DYNC2I1: variants seen among roughly 807,000 people sequenced by gnomAD.
The protein encoded by DYNC2I1 is cytoplasmic dynein 2 intermediate chain 1.
DYNC2I1 carries 89 observed loss-of-function variants against 133.4 expected under a neutral mutation model. That is an observed-to-expected ratio of 0.67 (90% CI 0.56 to 0.80). The LOEUF is 0.80. Ranked by LOEUF, DYNC2I1 falls within the 30% of genes least tolerant of loss-of-function variation. The pLI is 0.00. For synonymous variants in DYNC2I1, 504 were observed against 484.3 expected, an observed-to-expected ratio of 1.04 and a Z score of -0.54; for missense variants, 1,291 against 1,314.5, an observed-to-expected ratio of 0.98 and a Z score of 0.28.
At chr7:158,916,192 A>G (rs1848249661) in intron 14 of DYNC2I1, among the ~76,000 whole-genome samples, 1 of 82,664 alleles carries the variant, frequency 1.2e-5, no homozygotes, top group African/African-American at 3.8e-5. Context: ...GCTGGTTGAC[A>G]TTAAGGATGA....
chr7:158,880,525 A>T (rs145274993), intron 5 of DYNC2I1, among the ~76,000 whole-genome samples: 1 of 152,102 alleles, frequency 6.6e-6, no homozygotes, highest in African/African-American at 2.4e-5. Flanking sequence ...GCACCACTGC[A>T]CTCCAACCTG....
chr7:158,879,607 G>A, intron 4 of DYNC2I1, 77 bp from the exon 5 acceptor site: 1 of 1,460,878 alleles, frequency 6.8e-7, no homozygotes, highest in Non-Finnish European at 9.1e-7. Flanking sequence ...CGTCGTTGCA[G>A]AACCCACAGA....
chr7:158,847,801 A>C, the DYNC2I1 span, among the ~76,000 whole-genome samples: 1 of 152,212 alleles, frequency 6.6e-6, no homozygotes, highest in Non-Finnish European at 1.5e-5. Flanking sequence ...AAGGCAAAAA[A>C]GTGACTTCTG....
chr7:158,860,730 A>T (rs929429075), intron 1 of DYNC2I1, among the ~76,000 whole-genome samples: 1 of 152,244 alleles, frequency 6.6e-6, no homozygotes, highest in African/African-American at 2.4e-5. Flanking sequence ...AAATTTATTA[A>T]TCATAGCTTG....
In DYNC2I1 at chr7:158,879,992, A is replaced by T. The variant is rs1165417651; in HGVS notation, c.879+3A>T. ...AGCCCAGGAAAAGGGAATCCCAGGTACCCCTTCTGATGCTTCGTTGCCTTA... is the reference window on the plus strand; with the variant it reads ...AGCCCAGGAAAAGGGAATCCCAGGTTCCCCTTCTGATGCTTCGTTGCCTTA... On this transcript the variant is annotated splice_donor_region_variant and intron_variant, in intron 5 of 24. Coordinates refer to ENST00000407559, the MANE Select transcript of DYNC2I1 (RefSeq NM_018051.5). 1 of 1,583,868 alleles carries T rather than the reference A, an allele frequency of 6.3e-7. No homozygotes were observed. Among genetic ancestry groups the T allele is most frequent in the East Asian group, 2.2e-5 (1 of 44,738 alleles).
chr7:158,853,374 A>C (rs1176127503), upstream of DYNC2I1, among the ~76,000 whole-genome samples: 1 of 152,174 alleles, frequency 6.6e-6, no homozygotes. Flanking sequence ...CGGATGGAAC[A>C]GGCTTCTTTA....
intron 10 of DYNC2I1, 46 bp downstream of exon 10, chr7:158,902,641 T>A: frequency 2.0e-6 from 3 of 1,536,136 alleles, no homozygotes; most frequent in African/African-American, 1.4e-5. Flanking sequence ...CTTAGGGCTC[T>A]GTGTACTGAG....
chr7:158,859,947 G>C, intron 1 of DYNC2I1, among the ~76,000 whole-genome samples: 1 of 152,150 alleles, frequency 6.6e-6, no homozygotes, highest in Middle Eastern at 3.2e-3. Context: ...TAACTATTAG[G>C]CTGTGATATA....
chr7:158,848,921 TC>T, the DYNC2I1 span, among the ~76,000 whole-genome samples: 3 of 124,830 alleles, frequency 2.4e-5, no homozygotes, highest in Non-Finnish European at 5.1e-5. Flanking sequence ...AGACTCCGTT[TC>T]AAAAAAAAAA....
chr7:158,945,750 C>T lies in DYNC2I1; in HGVS notation c.3172C>T (p.Leu1058=). The change falls in exon 25 of 25, where the codon CTG becomes TTG. Residue 1058 remains leucine, a synonymous_variant. Coordinates refer to ENST00000407559, the MANE Select transcript of DYNC2I1 (RefSeq NM_018051.5). This position sits in a 1 kb window ranked among gnomAD's most constrained non-coding sequence, Gnocchi z 4.1. ...NRLRLLLQEA[L]WPEGKLHK is the part of the protein sequence containing the mutation. ...GCTGCGTCTGCTTTTGCAGGAAGCC[C>T]TGTGGCCAGAGGGAAAACTGCACAA... 6.3e-7 allele frequency: 1 copy of T among 1,588,308 alleles called. No individual in the cohort carries two copies. Among genetic ancestry groups the T allele is most frequent in the Non-Finnish European group, 8.6e-7 (1 of 1,166,114 alleles).
downstream of DYNC2I1, among the ~76,000 whole-genome samples, chr7:158,949,641 CAGGCGGCGCGGCTTCAGGGAA>C (rs1308773839): frequency 3.5e-5 from 1 of 28,650 alleles, no homozygotes; most frequent in African/African-American, 7.4e-5. Context: ...GCAGGAGGTG[CAGGCGGCGCGGCTTCAGGGAA>C]AGGAGCGGAA....
intron 15 of DYNC2I1, among the ~76,000 whole-genome samples, chr7:158,920,048 C>T (rs1053596135): frequency 2.0e-5 from 3 of 151,070 alleles, no homozygotes; most frequent in South Asian, 2.1e-4. Context: ...TGGCCTCCAA[C>T]GGGGAACACG....
downstream of DYNC2I1, among the ~76,000 whole-genome samples, chr7:158,948,447 C>T (rs896276118): frequency 2.0e-5 from 3 of 152,218 alleles, no homozygotes; most frequent in African/African-American, 4.8e-5. Flanking sequence ...TTAAAACGTT[C>T]GTTACCTCAC....
intron 23 of DYNC2I1, among the ~76,000 whole-genome samples, chr7:158,940,997 A>G (rs1851295196): frequency 6.6e-6 from 1 of 152,218 alleles, no homozygotes; most frequent in South Asian, 2.1e-4. Context: ...GCAGAAATAA[A>G]TAAATTGAGA....
chr7:158,861,032 G>C (rs910388340), intron 1 of DYNC2I1, among the ~76,000 whole-genome samples: 1 of 152,168 alleles, frequency 6.6e-6, no homozygotes, highest in Admixed American at 6.5e-5. Flanking sequence ...ACTGCTCCTC[G>C]CGGTGTAAGG....
chr7:158,933,084 G>T (rs1850390744), intron 21 of DYNC2I1, among the ~76,000 whole-genome samples: 1 of 152,302 alleles, frequency 6.6e-6, no homozygotes, highest in Admixed American at 6.5e-5. Flanking sequence ...CAACCAAGAG[G>T]TGGCATTTGC....
At chr7:158,949,866 G>C (rs1360735034), downstream of DYNC2I1, among the ~76,000 whole-genome samples, 1 of 151,930 alleles carries the variant, frequency 6.6e-6, no homozygotes, top group Non-Finnish European at 1.5e-5. Flanking sequence ...CCGCCTCCCA[G>C]GTTCAAGCGA....
At chr7:158,904,392 C>T (rs1162424781) in intron 10 of DYNC2I1, 5 of 152,206 alleles carry the variant, frequency 3.3e-5, no homozygotes, top group Non-Finnish European at 7.3e-5. Flanking sequence ...CACGCCTTAT[C>T]CTTTTTTAGG....
intron 7 of DYNC2I1, among the ~76,000 whole-genome samples, chr7:158,889,058 CACACACA>C (rs1563117231): frequency 1.1e-4 from 17 of 150,756 alleles, no homozygotes; most frequent in Non-Finnish European, 2.1e-4. Context: ...CACACACACA[CACACACA>C]CCCCTCCTGT....
Sources: allele counts gnomAD v4.1 joint callset (sites outside exome capture counted in the v4.1 genomes callset), GRCh38; gene constraint gnomAD v4.1.1; non-coding constraint Gnocchi (gnomAD v3.1); transcripts MANE v1.5; gene names NCBI Gene and HGNC (gene_info 2026-07-23, HGNC 2026-07-21).